The following ZC3H14 variants were observed in gnomAD, a reference collection of about 807,000 sequenced individuals.
The protein encoded by ZC3H14 is zinc finger CCCH domain-containing protein 14.
ZC3H14 carries 31 observed loss-of-function variants against 92.4 expected under a neutral mutation model. That is an observed-to-expected ratio of 0.34 (90% CI 0.25 to 0.45). The LOEUF (loss-of-function observed/expected upper bound fraction) is 0.45. ZC3H14 is among the 20% of genes least tolerant of loss of function. The probability of loss-of-function intolerance (pLI) is 1.00; values close to 1 mark genes in which losing one functional copy is unlikely to be tolerated. For missense variants in ZC3H14, 781 were observed against 897.3 expected, an observed-to-expected ratio of 0.87 and a Z score of 1.66; for synonymous variants, 321 against 300.9, an observed-to-expected ratio of 1.07 and a Z score of -0.69.
At chr14:88,589,919 T>A (rs1405610415) in intron 9 of ZC3H14, 1 of 152,466 alleles carries the variant, frequency 6.6e-6, no homozygotes, top group Non-Finnish European at 1.5e-5. Flanking sequence ...CATATGAGGC[T>A]AGGAGTTCGA....
intron 2 of ZC3H14, 46 bp from the exon 3 acceptor site, chr14:88,567,993 A>G: frequency 6.6e-7 from 1 of 1,510,072 alleles, no homozygotes. Context: ...TTTAAGAAGA[A>G]AGTTTTGAGG....
chr14:88,618,109 A>C lies in ZC3H14; in HGVS notation c.*6358A>C, dbSNP rs887381606. The C allele has an allele frequency of 1.4e-6, 1 of 696,914 alleles. No individual in the cohort carries two copies. The highest frequency in any genetic ancestry group is 2.3e-6 in the Non-Finnish European group (1 of 430,396). 43.2% of individuals were successfully genotyped at this position (696,914 alleles called of 1,614,324 possible). A position where few individuals can be genotyped will look rare whatever the true frequency, so the allele number is the denominator to read the frequency against. On this transcript the variant is annotated 3_prime_UTR_variant, in exon 17 of 17. Transcript: ENST00000251038. ...TGAACATACCATTTCAAAATATGGT[A>C]ACAAAAACTTGAAACTCAATTACTA... is the stretch of plus-strand genomic sequence containing the variant.
chr14:88,600,613 A>T (rs2084489817), intron 10 of ZC3H14, among the ~76,000 whole-genome samples: 1 of 151,282 alleles, frequency 6.6e-6, no homozygotes, highest in South Asian at 2.1e-4. Context: ...GGCTAATTTT[A>T]TTTATTTATT....
Position 88,572,615 on chromosome 14 carries a change from T to C in ZC3H14, c.469T>C (p.Ser157Pro), listed in dbSNP as rs1395503561. The C allele has an allele frequency of 1.2e-6, 2 of 1,614,050 alleles. No individual in the cohort carries two copies. The highest frequency in any genetic ancestry group is 1.3e-5 in the African/African-American group (1 of 74,932). The change falls in exon 6 of 17, where the codon TCA becomes CCA. Residue 157 changes from serine (S) to proline (P), a missense_variant. This residue lies in a region of ZC3H14 where 454 missense variants were observed against 438.5 expected (regional missense o/e 1.04). Coordinates refer to ENST00000251038, the MANE Select transcript of ZC3H14 (RefSeq NM_024824.5). ...TGATGGAGCTGCAACCCGACTAATGTCAACAGTGAAACCTTTGAGGGAGCC... is the reference window on the plus strand; with the variant it reads ...TGATGGAGCTGCAACCCGACTAATGCCAACAGTGAAACCTTTGAGGGAGCC... ...YDDGAATRLM[S>P]TVKPLREPAP...
chr14:88,579,885 A>G (rs2081660685), intron 9 of ZC3H14, among the ~76,000 whole-genome samples: 1 of 152,236 alleles, frequency 6.6e-6, no homozygotes. Flanking sequence ...TTATTTAAAT[A>G]ATACAAGACA....
In ZC3H14 at chr14:88,615,682, T is replaced by C. The variant is rs757698910; in HGVS notation, c.*3931T>C. On this transcript the variant is annotated 3_prime_UTR_variant, in exon 17 of 17. Transcript: ENST00000251038. ...TATTTTGAACAGATCAGTCTTTCAC[T>C]ATTTTGATGATTCTGGGCATTTCTC... 1.3e-6 allele frequency: 1 copy of C among 759,180 alleles called. No individual in the cohort carries two copies. Among genetic ancestry groups the C allele is most frequent in the Non-Finnish European group, 2.1e-6 (1 of 467,262 alleles). 47.0% of individuals were successfully genotyped at this position (759,180 alleles called of 1,614,324 possible).
chr14:88,568,645 G>T (rs556563509), intron 3 of ZC3H14, among the ~76,000 whole-genome samples: 6 of 152,058 alleles, frequency 3.9e-5, no homozygotes, highest in Non-Finnish European at 8.8e-5. Context: ...ATTTGGGTGG[G>T]GACACAGAGC....
intron 9 of ZC3H14, among the ~76,000 whole-genome samples, chr14:88,587,354 C>T (rs1424346385): frequency 7.2e-5 from 11 of 151,880 alleles, no homozygotes; most frequent in Non-Finnish European, 1.5e-4. Context: ...TTAGTAGAGA[C>T]AGGGTCTCAC....
intron 9 of ZC3H14, among the ~76,000 whole-genome samples, chr14:88,583,182 A>G (rs2082117911): frequency 6.7e-6 from 1 of 149,030 alleles, no homozygotes; most frequent in South Asian, 2.1e-4. Flanking sequence ...CCTAGGCTAG[A>G]GTACAGTGGC....
Position 88,609,262 on chromosome 14 carries a change from T to C in ZC3H14, c.1869-5T>C. The stretch of plus-strand genomic sequence containing the variant: ...TATGAAATATGCTTTTTTTTTGTTT[T>C]GTAGAGCCTTCCCCAATTGTAAATT... On this transcript the variant is annotated splice_polypyrimidine_tract_variant and splice_region_variant and intron_variant, in intron 13 of 16. Coordinates refer to ENST00000251038, the MANE Select transcript of ZC3H14 (RefSeq NM_024824.5). 1.9e-6 allele frequency: 3 copies of C among 1,613,952 alleles called. No individual in the cohort carries two copies. In the South Asian group the frequency reaches 3.3e-5, roughly 18 times the overall value.
chr14:88,564,042 A>AT (rs756263545), intron 2 of ZC3H14, among the ~76,000 whole-genome samples: 3 of 152,066 alleles, frequency 2.0e-5, no homozygotes, highest in Non-Finnish European at 4.4e-5. Flanking sequence ...GGCTCAAGCA[A>AT]TTATCTGACC....
At position 88,616,868 on chromosome 14, in the gene ZC3H14, TCTC is replaced by T. The variant is rs760455698; in HGVS notation, c.*5120_*5122del. On this transcript the variant is annotated 3_prime_UTR_variant, in exon 17 of 17. Transcript: ENST00000251038. ...TCTGGACCAGATTCCCAAAACCTCA[TCTC>T]CTAGAATACTAGAGGGAAGGAACAA... 4.3e-6 allele frequency: 7 copies of T among 1,613,650 alleles called. No individual in the cohort carries two copies. The highest frequency in any genetic ancestry group is 2.2e-5 in the East Asian group (1 of 44,862).
chr14:88,567,404 C>G (rs553026860), intron 2 of ZC3H14, among the ~76,000 whole-genome samples: 1 of 149,918 alleles, frequency 6.7e-6, no homozygotes, highest in Non-Finnish European at 1.5e-5. Context: ...CATGAGCCAC[C>G]GCGCCTGGCC....
chr14:88,596,908 C>T (rs1700776000), intron 10 of ZC3H14, 100 bp downstream of exon 10: 2 of 970,392 alleles, frequency 2.1e-6, no homozygotes, highest in Non-Finnish European at 3.3e-6. Context: ...TAGATCCTGC[C>T]CTAAGATGTT....
rs763402291 is a variant in ZC3H14, at chr14:88,621,006, A to G, written c.*9255A>G. 6.1e-6 allele frequency: 9 copies of G among 1,473,804 alleles called. No homozygotes were observed. The highest frequency in any genetic ancestry group is 8.1e-6 in the Non-Finnish European group (9 of 1,113,714). 91.3% of individuals were successfully genotyped at this position (1,473,804 alleles called of 1,614,324 possible). ...TCTAAATTATACCAGTTTCCCCTCA[A>G]AATGCTCAACAGAATTCTGGCAGTT... On this transcript the variant is annotated 3_prime_UTR_variant, in exon 17 of 17. Coordinates refer to ENST00000251038, the MANE Select transcript of ZC3H14 (RefSeq NM_024824.5).
rs759002710 is a variant in ZC3H14, at chr14:88,594,970, T to A, written c.1280-1764T>A. 5 of 1,613,880 alleles carry A rather than the reference T, an allele frequency of 3.1e-6. No individual in the cohort carries two copies. The East Asian group carries it at 1.1e-4, about 36-fold the overall frequency. On this transcript the variant is annotated intron_variant, in intron 9 of 16. Coordinates refer to ENST00000251038, the MANE Select transcript of ZC3H14 (RefSeq NM_024824.5). ...AGTGTCCAAGAATGAAGCAAAAATTTCATCTTTGGAGGTTAAAATGAATGA... is the reference window on the plus strand; with the variant it reads ...AGTGTCCAAGAATGAAGCAAAAATTACATCTTTGGAGGTTAAAATGAATGA...
At chr14:88,568,341 A>G (rs560168811) in intron 3 of ZC3H14, among the ~76,000 whole-genome samples, 188 bp downstream of exon 3, 1 of 152,342 alleles carries the variant, frequency 6.6e-6, no homozygotes, top group African/African-American at 2.4e-5. Flanking sequence ...GAGACTGGGT[A>G]ATTTCTAAAA....
Position 88,582,385 on chromosome 14 carries a change from G to GT in ZC3H14, c.1279+4248dup, listed in dbSNP as rs2082005482. On this transcript the variant is annotated intron_variant, in intron 9 of 16. Transcript: ENST00000251038. ...ATGAGTGTGCAGCCGGAAAAATAGT[G>GT]TTTGGGACACTGTGGGTTGAATAGC... Among the ~76,000 whole-genome samples the GT allele has an allele frequency of 2.6e-5, 4 of 152,232 alleles. No homozygotes were observed. The South Asian group carries it at 8.3e-4, about 32-fold the overall frequency.
At position 88,627,182 on chromosome 14, in the gene ZC3H14, A is replaced by G; in HGVS notation, c.*15431A>G. On this transcript the variant is annotated 3_prime_UTR_variant, in exon 17 of 17. Transcript: ENST00000251038. The stretch of plus-strand genomic sequence containing the variant: ...GCCAATGGCCCCTGCTCTACTACCT[A>G]GCAATACATGATTTACAATTATTTG... 1 of 742,888 alleles carries G rather than the reference A, an allele frequency of 1.3e-6. No individual in the cohort carries two copies. The highest frequency in any genetic ancestry group is 2.2e-6 in the Non-Finnish European group (1 of 450,316). 46.0% of individuals were successfully genotyped at this position (742,888 alleles called of 1,614,324 possible). A position where few individuals can be genotyped will look rare whatever the true frequency, so the allele number is the denominator to read the frequency against.
Sources: allele counts gnomAD v4.1 joint callset (sites outside exome capture counted in the v4.1 genomes callset), GRCh38; gene constraint gnomAD v4.1.1; regional missense constraint gnomAD v4.1.1; transcripts MANE v1.5; gene names NCBI Gene and HGNC (gene_info 2026-07-23, HGNC 2026-07-21).